Variants in UBAP1L observed in about 807,000 individuals in gnomAD.
UBAP1L encodes ubiquitin associated protein 1 like, also known as ubiquitin-associated protein 1-like.
Under a neutral mutation model 32.1 loss-of-function variants are expected in UBAP1L, and 32 were observed. That is an observed-to-expected ratio of 1.00 (90% CI 0.75 to 1.34). The LOEUF (loss-of-function observed/expected upper bound fraction) is 1.34, where lower values mean the gene tolerates loss of function less well. Ranked by LOEUF, UBAP1L falls within the 40% of genes most tolerant of loss-of-function variation. The pLI is 0.00. For synonymous variants in UBAP1L, 243 were observed against 250.2 expected (o/e 0.97, Z 0.27); for missense variants, 516 against 540.5 (o/e 0.95, Z 0.45).
At chr15:65,106,517 T>A (rs553889279) in intron 1 of UBAP1L, 129 bp from the exon 2 acceptor site, 25 of 263,910 alleles carry the variant, frequency 9.5e-5, no homozygotes, top group African/African-American at 5.1e-4. Flanking sequence ...TTCTCATGCA[T>A]TTCATCAAAA....
intron 1 of UBAP1L, among the ~76,000 whole-genome samples, chr15:65,114,319 C>T (rs757277330): frequency 5.9e-5 from 9 of 151,976 alleles, no homozygotes; most frequent in East Asian, 1.9e-4. Context: ...TGTCACAGAA[C>T]GCTTTTGAAG....
intron 1 of UBAP1L, among the ~76,000 whole-genome samples, chr15:65,112,216 G>A (rs1267635780): frequency 6.6e-6 from 1 of 152,174 alleles, no homozygotes; most frequent in Non-Finnish European, 1.5e-5. Flanking sequence ...CTGCAGGGTG[G>A]AGAGAAGTGA....
Position 65,106,127 on chromosome 15 carries a change from G to T in UBAP1L, c.89C>A (p.Pro30Gln). The change falls in exon 2 of 6, where the codon CCG (proline) becomes CAG (glutamine). Residue 30 changes from proline to glutamine, a missense_variant. By Grantham distance (76) the Pro-to-Gln change is moderately conservative. Coordinates refer to ENST00000559089, the MANE Select transcript of UBAP1L (RefSeq NM_001163692.2). ...ACCCAGCAGAACTTCCCCGCAGGCC[G>T]GGACGCTGAGTTCTGGCCCAGGGAG... is the stretch of plus-strand genomic sequence containing the variant. ...EPLPGPELSV[P>Q]ACGEVLLGSM... 1 of 1,550,946 alleles carries T rather than the reference G, an allele frequency of 6.4e-7. No individual in the cohort carries two copies. Among genetic ancestry groups the T allele is most frequent in the Non-Finnish European group, 8.7e-7 (1 of 1,146,816 alleles).
Position 65,099,499 on chromosome 15 carries a change from A to G in UBAP1L, c.909+6T>C, listed in dbSNP as rs1400588108. 6.5e-7 allele frequency: 1 copy of G among 1,549,372 alleles called. No individual in the cohort carries two copies. The highest frequency in any genetic ancestry group is 8.7e-7 in the Non-Finnish European group (1 of 1,146,598). Reference sequence around the variant, plus strand: ...CAGCTCATCAGCTCTGGGTCCCCCAACTCACCTGGCTCAGGCTCTGCCTCC... The same window carrying G: ...CAGCTCATCAGCTCTGGGTCCCCCAGCTCACCTGGCTCAGGCTCTGCCTCC... On this transcript the variant is annotated splice_donor_region_variant and intron_variant, in intron 4 of 5. Transcript: ENST00000559089.
intron 1 of UBAP1L, among the ~76,000 whole-genome samples, chr15:65,107,009 T>G (rs140251702): frequency 1.3e-4 from 19 of 151,922 alleles, no homozygotes; most frequent in African/African-American, 4.6e-4. Context: ...TGAACACAGA[T>G]GCAAAAAAAA....
At position 65,093,009 on chromosome 15, in the gene UBAP1L, C is replaced by G; in HGVS notation, c.*88G>C. 1.4e-6 allele frequency: 2 copies of G among 1,460,128 alleles called. No homozygotes were observed. Among genetic ancestry groups the G allele is most frequent in the Non-Finnish European group, 1.8e-6 (2 of 1,103,498 alleles). 90.4% of individuals were successfully genotyped at this position (1,460,128 alleles called of 1,614,324 possible). ...AATAAGTATGCATCACTTTGTTACT[C>G]TTACTTGGTTTTAATAATACAGTTA... On this transcript the variant is annotated 3_prime_UTR_variant, in exon 6 of 6. Coordinates refer to ENST00000559089, the MANE Select transcript of UBAP1L (RefSeq NM_001163692.2).
chr15:65,094,973 C>A lies in UBAP1L; in HGVS notation c.910-397G>T. 1.1e-5 allele frequency: 3 copies of A among 271,232 alleles called. No individual in the cohort carries two copies. Among genetic ancestry groups the A allele is most frequent in the East Asian group, 9.6e-5 (1 of 10,416 alleles). The allele number at this position is 271,232 out of a possible 1,614,324, so 16.8% of individuals were successfully genotyped here. A position where few individuals can be genotyped will look rare whatever the true frequency, so the allele number is the denominator to read the frequency against. On this transcript the variant is annotated intron_variant, in intron 4 of 5. Coordinates refer to ENST00000559089, the MANE Select transcript of UBAP1L (RefSeq NM_001163692.2). This position sits in a 1 kb window ranked among gnomAD's most constrained non-coding sequence, Gnocchi z 4.2. Reference sequence around the variant, plus strand: ...GGGAGCACCCATTCGTGTGAAGGTGCCTCCTCATCCGTCCACACCTGTGCA... The same window carrying A: ...GGGAGCACCCATTCGTGTGAAGGTGACTCCTCATCCGTCCACACCTGTGCA...
chr15:65,108,844 T>C (rs2087346033), intron 1 of UBAP1L, among the ~76,000 whole-genome samples: 1 of 151,866 alleles, frequency 6.6e-6, no homozygotes, highest in Admixed American at 6.6e-5. Flanking sequence ...AAAATTCTGA[T>C]AAACTGGATT....
chr15:65,094,397 G>T lies in UBAP1L; in HGVS notation c.1011+78C>A. The stretch of plus-strand genomic sequence containing the variant: ...CCACAGACTGGCTCTGAGGACTGGT[G>T]TGGCCCTGCACACCGGGCTCCTGGG... On this transcript the variant is annotated intron_variant, in intron 5 of 5. Coordinates refer to ENST00000559089, the MANE Select transcript of UBAP1L (RefSeq NM_001163692.2). The surrounding 1 kb of genome is among the most constrained non-coding windows in gnomAD (Gnocchi z 4.2). 9.8e-7 allele frequency: 1 copy of T among 1,016,414 alleles called. No individual in the cohort carries two copies. Among genetic ancestry groups the T allele is most frequent in the Non-Finnish European group, 1.4e-6 (1 of 692,638 alleles). The allele number at this position is 1,016,414 out of a possible 1,614,324, so 63.0% of individuals were successfully genotyped here. A position where few individuals can be genotyped will look rare whatever the true frequency, so the allele number is the denominator to read the frequency against.
chr15:65,110,684 C>CAAAAAAAAAAAAAAAAA, intron 1 of UBAP1L, among the ~76,000 whole-genome samples: 1 of 63,110 alleles, frequency 1.6e-5, no homozygotes, highest in Non-Finnish European at 3.2e-5. Flanking sequence ...GACTCTGTCT[C>CAAAAAAAAAAAAAAAAA]AAAAAAAAAA....
rs137908386 is a variant in UBAP1L, at chr15:65,094,811, G to A, written c.910-235C>T. On this transcript the variant is annotated intron_variant, in intron 4 of 5. Coordinates refer to ENST00000559089, the MANE Select transcript of UBAP1L (RefSeq NM_001163692.2). This position sits in a 1 kb window ranked among gnomAD's most constrained non-coding sequence, Gnocchi z 4.2. ...CACCAACTATGCCAAGCTGGGGGCT[G>A]GACTCCAGGAAAAGGGCTGTCAGGG... 3.6e-6 allele frequency: 2 copies of A among 562,464 alleles called. No homozygotes were observed. The highest frequency in any genetic ancestry group is 3.2e-6 in the Non-Finnish European group (1 of 312,304). The allele number at this position is 562,464 out of a possible 1,614,324, so 34.8% of individuals were successfully genotyped here. A position where few individuals can be genotyped will look rare whatever the true frequency, so the allele number is the denominator to read the frequency against.
At chr15:65,109,498 A>C (rs890326464) in intron 1 of UBAP1L, among the ~76,000 whole-genome samples, 4 of 151,174 alleles carry the variant, frequency 2.6e-5, no homozygotes, top group African/African-American at 9.7e-5. Context: ...AAAAAAAAAA[A>C]AAAAAAACTT....
chr15:65,109,108 G>T (rs1338475302), intron 1 of UBAP1L, among the ~76,000 whole-genome samples: 2 of 142,466 alleles, frequency 1.4e-5, no homozygotes, highest in Admixed American at 7.4e-5. Flanking sequence ...AGTGAGCCAA[G>T]ATCACACCAC....
intron 2 of UBAP1L, among the ~76,000 whole-genome samples, chr15:65,104,275 A>AAAAAG (rs973367537): frequency 6.6e-6 from 1 of 152,006 alleles, no homozygotes; most frequent in Non-Finnish European, 1.5e-5. Flanking sequence ...GGGGAAGGGA[A>AAAAAG]AAAAGAAAAG....
chr15:65,110,811 A>G (rs1244651771), intron 1 of UBAP1L, among the ~76,000 whole-genome samples: 1 of 152,164 alleles, frequency 6.6e-6, no homozygotes, highest in African/African-American at 2.4e-5. Context: ...CCTTTTTGCA[A>G]ACAATCAGGG....
chr15:65,111,782 G>A (rs907903086), intron 1 of UBAP1L, among the ~76,000 whole-genome samples: 2 of 151,906 alleles, frequency 1.3e-5, no homozygotes, highest in African/African-American at 4.8e-5. Flanking sequence ...ACCATGCCCA[G>A]CCTATATCTC....
In UBAP1L at chr15:65,092,877, C is replaced by T; in HGVS notation, c.*220G>A. On this transcript the variant is annotated 3_prime_UTR_variant, in exon 6 of 6. Transcript: ENST00000559089. Reference sequence around the variant, plus strand: ...ACAGGCATGCATGAAGAACATAGCTCCCCGTCCGGCTCTCCCATCTGCCCC... The same window carrying T: ...ACAGGCATGCATGAAGAACATAGCTTCCCGTCCGGCTCTCCCATCTGCCCC... The T allele has an allele frequency of 3.3e-6, 2 of 601,106 alleles. No individual in the cohort carries two copies. Among genetic ancestry groups the T allele is most frequent in the Non-Finnish European group, 5.6e-6 (2 of 360,180 alleles). The allele number at this position is 601,106 out of a possible 1,614,324, so 37.2% of individuals were successfully genotyped here.
chr15:65,107,739 C>CAAAAAAAAAAAAAAAAAAAAAAGAAAA (rs56359277), intron 1 of UBAP1L, among the ~76,000 whole-genome samples: 1 of 94,772 alleles, frequency 1.1e-5, no homozygotes, highest in Non-Finnish European at 2.1e-5. Flanking sequence ...AACGCTGTCT[C>CAAAAAAAAAAAAAAAAAAAAAAGAAAA]AAAAAAAAAA....
intron 2 of UBAP1L, 127 bp downstream of exon 2, chr15:65,105,969 G>A (rs2087305155): frequency 2.2e-6 from 3 of 1,346,776 alleles, no homozygotes; most frequent in Non-Finnish European, 2.0e-6. Context: ...TTTTTGTATT[G>A]TTAGTAGATA....
Sources: allele counts gnomAD v4.1 joint callset (sites outside exome capture counted in the v4.1 genomes callset), GRCh38; gene constraint gnomAD v4.1.1; non-coding constraint Gnocchi (gnomAD v3.1); transcripts MANE v1.5; gene names NCBI Gene and HGNC (gene_info 2026-07-23, HGNC 2026-07-21).